The following SVIL variants were observed in gnomAD, a reference collection of about 807,000 sequenced individuals.
SVIL encodes archvillin.
Under a neutral mutation model 240.4 loss-of-function variants are expected in SVIL, and 101 were observed. That is an observed-to-expected ratio of 0.42 (90% CI 0.36 to 0.50). The LOEUF is 0.50. Ranked by LOEUF, SVIL falls within the 20% of genes least tolerant of loss-of-function variation. The pLI, the probability that SVIL is intolerant of heterozygous loss-of-function variation, is 0.01. For synonymous variants in SVIL, 999 were observed against 1,100.0 expected (o/e 0.91, Z 1.82); for missense variants, 2,512 against 2,818.7 (o/e 0.89, Z 2.46).
Position 29,480,539 on chromosome 10 carries a change from G to C in SVIL, c.5375C>G (p.Ala1792Gly). Residue 1792 changes from alanine (A) to glycine (G), a missense_variant and splice_region_variant, in exon 29 of 38, where the codon GCA becomes GGA. Around this residue, in one of 3 missense-constraint regions of SVIL, gnomAD observed 797 missense variants for 925.3 expected, o/e 0.86. Transcript: ENST00000355867. ...VVKWKFMVST[A>G]VGSRQKGEHS... ...AAAAACCACAAGCGCTCACTAACCT[G>C]CCGTGCTCACCATGAACTTCCACTT... is the stretch of plus-strand genomic sequence containing the variant. 1 of 1,611,890 alleles carries C rather than the reference G, an allele frequency of 6.2e-7. No individual in the cohort carries two copies. Among genetic ancestry groups the C allele is most frequent in the Non-Finnish European group, 8.5e-7 (1 of 1,179,226 alleles).
chr10:29,540,035 G>A (rs561429825), intron 6 of SVIL, among the ~76,000 whole-genome samples: 83 of 152,108 alleles, frequency 5.5e-4, no homozygotes, highest in African/African-American at 1.7e-3. Context: ...CGCCTCTCAC[G>A]TGCGTTACCA....
chr10:29,462,404 G>A lies in SVIL; in HGVS notation c.6278-3C>T. On this transcript the variant is annotated splice_region_variant and splice_polypyrimidine_tract_variant and intron_variant, in intron 35 of 37. Transcript: ENST00000355867. ...GGCTGGTTTCTTGAGATTTTTTCCT[G>A]TAGTTACACAGATTGCAATGTCAGT... The A allele has an allele frequency of 5.0e-6, 8 of 1,613,790 alleles. No individual in the cohort carries two copies. Among genetic ancestry groups the A allele is most frequent in the South Asian group, 1.1e-5 (1 of 91,002 alleles).
At chr10:29,601,388 T>C (rs2132839196) in intron 1 of SVIL, among the ~76,000 whole-genome samples, 1 of 152,358 alleles carries the variant, frequency 6.6e-6, no homozygotes, top group East Asian at 1.9e-4. Context: ...GGGAGAATAA[T>C]GCATTAATGC....
rs370202767 is a variant in SVIL at position 29,495,085 on chromosome 10, G to A, written c.3754+7C>T. The A allele has an allele frequency of 6.3e-6, 10 of 1,599,426 alleles. No homozygotes were observed. In the Admixed American group the frequency reaches 6.7e-5, roughly 11 times the overall value. ...TGCTTGGCGTGGCCGGGGCCTTGGCGACTTACCTTCCAGGGGTTTGGAAAC... is the reference window on the plus strand; with the variant it reads ...TGCTTGGCGTGGCCGGGGCCTTGGCAACTTACCTTCCAGGGGTTTGGAAAC... On this transcript the variant is annotated splice_region_variant and intron_variant, in intron 19 of 37. Coordinates refer to ENST00000355867, the MANE Select transcript of SVIL (RefSeq NM_021738.3).
intron 1 of SVIL, among the ~76,000 whole-genome samples, chr10:29,608,735 G>C (rs1957121695): frequency 6.6e-6 from 1 of 152,236 alleles, no homozygotes; most frequent in Admixed American, 6.5e-5. Context: ...TGGGCATGTG[G>C]GTGCCCCTCA....
intron 1 of SVIL, among the ~76,000 whole-genome samples, chr10:29,689,326 C>T (rs1396338499): frequency 6.6e-6 from 1 of 152,100 alleles, no homozygotes. Context: ...GCACTATCAC[C>T]CAGGCTGGAG....
chr10:29,459,066 G>A (rs1200350659), intron 36 of SVIL, among the ~76,000 whole-genome samples: 3 of 147,848 alleles, frequency 2.0e-5, no homozygotes, highest in African/African-American at 5.0e-5. Flanking sequence ...GGCCTCAAGC[G>A]ATCCTCCTGC....
chr10:29,508,971 C>A (rs1432154712), intron 17 of SVIL, among the ~76,000 whole-genome samples: 2 of 152,240 alleles, frequency 1.3e-5, no homozygotes, highest in African/African-American at 2.4e-5. Flanking sequence ...TTGAAAATAA[C>A]TATTTGGTGA....
At chr10:29,680,099 C>A (rs1960521599) in intron 2 of SVIL, among the ~76,000 whole-genome samples, 1 of 152,102 alleles carries the variant, frequency 6.6e-6, no homozygotes, top group Non-Finnish European at 1.5e-5. Context: ...GTGGGAGGAT[C>A]TCTTAAGTCC....
At chr10:29,641,464 A>C (rs1589439730) in intron 3 of SVIL, among the ~76,000 whole-genome samples, 1 of 152,252 alleles carries the variant, frequency 6.6e-6, no homozygotes, top group Admixed American at 6.5e-5. Context: ...GCTACTGCAG[A>C]GGCCGAGGCA....
chr10:29,494,504 T>A (rs564312356), intron 20 of SVIL, among the ~76,000 whole-genome samples: 1 of 152,382 alleles, frequency 6.6e-6, no homozygotes, highest in Admixed American at 6.5e-5. Flanking sequence ...TTGACTTTTA[T>A]ATTGAAACAT....
intron 24 of SVIL, 152 bp from the exon 25 acceptor site, chr10:29,486,709 A>G (rs1462381293): frequency 1.2e-6 from 1 of 810,658 alleles, no homozygotes; most frequent in Non-Finnish European, 1.9e-6. Context: ...GGTATTTTCA[A>G]TGACCTCAAG....
chr10:29,467,970 C>A, intron 32 of SVIL, 95 bp from the exon 33 acceptor site: 1 of 1,305,514 alleles, frequency 7.7e-7, no homozygotes, highest in Non-Finnish European at 1.1e-6. Flanking sequence ...TTTATAATAG[C>A]TTTATTGAGA....
chr10:29,578,785 G>A (rs1955812847), intron 1 of SVIL, among the ~76,000 whole-genome samples: 1 of 152,188 alleles, frequency 6.6e-6, no homozygotes, highest in Non-Finnish European at 1.5e-5. Context: ...TCAATCAAAT[G>A]GGCAGGCAAG....
At chr10:29,646,621 C>T (rs1466405460) in intron 3 of SVIL, among the ~76,000 whole-genome samples, 1 of 152,182 alleles carries the variant, frequency 6.6e-6, no homozygotes, top group Non-Finnish European at 1.5e-5. Flanking sequence ...AATTCAAATC[C>T]CTCGTGGGCA....
At position 29,628,511 on chromosome 10, in the gene SVIL, C is replaced by T. The variant is rs76519877; in HGVS notation, c.-201+5909G>A. ...AAGTTATTTGCCAACTTTCCATGCT[C>T]AGAACGTAATTGAAAGTCCAGAAAG... On this transcript the variant is annotated intron_variant, in intron 1 of 37. Transcript: ENST00000355867. 1.8e-4 allele frequency among the ~76,000 whole-genome samples: 28 copies of T among 152,332 alleles called. No individual in the cohort carries two copies. The East Asian group carries it at 5.2e-3, about 28-fold the overall frequency.
chr10:29,546,862 C>T (rs541038220), intron 6 of SVIL, among the ~76,000 whole-genome samples: 43 of 152,210 alleles, frequency 2.8e-4, no homozygotes, highest in Middle Eastern at 3.4e-3. Context: ...TTTGGCAGAG[C>T]TAGATGACAA....
intron 1 of SVIL, among the ~76,000 whole-genome samples, chr10:29,609,881 G>A (rs556498024): frequency 6.6e-6 from 1 of 152,312 alleles, no homozygotes; most frequent in South Asian, 2.1e-4. Flanking sequence ...AGCACAAGCT[G>A]AGCACATCTT....
chr10:29,494,012 A>G (rs1948206122), intron 20 of SVIL, among the ~76,000 whole-genome samples: 1 of 152,044 alleles, frequency 6.6e-6, no homozygotes, highest in Non-Finnish European at 1.5e-5. Flanking sequence ...CTACAAAAAC[A>G]GAAAAAAAAT....
Sources: allele counts gnomAD v4.1 joint callset (sites outside exome capture counted in the v4.1 genomes callset), GRCh38; gene constraint gnomAD v4.1.1; regional missense constraint gnomAD v4.1.1; transcripts MANE v1.5; gene names NCBI Gene and HGNC (gene_info 2026-07-23, HGNC 2026-07-21).